The following DOCK7 variants were observed in gnomAD, a reference collection of about 807,000 sequenced individuals.
DOCK7 encodes the protein dedicator of cytokinesis protein 7.
In DOCK7, 138 loss-of-function variants were observed where a neutral mutation model predicts 271.0. The ratio of observed to expected loss-of-function variants is 0.51; its 90% confidence interval spans 0.44 to 0.59. DOCK7 has a LOEUF of 0.59. DOCK7 is among the 20% of genes least tolerant of loss of function. The probability of loss-of-function intolerance (pLI) is 0.00; values close to 1 mark genes in which losing one functional copy is unlikely to be tolerated. For synonymous variants in DOCK7, 823 were observed against 876.1 expected, an observed-to-expected ratio of 0.94 and a Z score of 1.07; for missense variants, 2,066 against 2,592.4, an observed-to-expected ratio of 0.80 and a Z score of 4.41.
chr1:62,499,823 T>A (rs1646727949), intron 37 of DOCK7, among the ~76,000 whole-genome samples: 1 of 151,772 alleles, frequency 6.6e-6, no homozygotes, highest in South Asian at 2.1e-4. Flanking sequence ...GAGGCTGCAA[T>A]GAGCTATGAC....
Position 62,528,173 on chromosome 1 carries a change from C to G in DOCK7, c.3914G>C (p.Gly1305Ala). The G allele has an allele frequency of 1.2e-6, 2 of 1,612,176 alleles. No individual in the cohort carries two copies. Among genetic ancestry groups the G allele is most frequent in the Non-Finnish European group, 1.7e-6 (2 of 1,179,226 alleles). ...GTSVPQLTRP[G>A]SFLLTSTSGR... ...TACCGTTGACGTGAGGAGGAAACTG[C>G]CAGGCCTTGTTAGTTGAGGGACCGA... The change falls in exon 31 of 50, where the codon GGC becomes GCC. Residue 1305 changes from glycine to alanine, a missense_variant. Transcript: ENST00000635253.
intron 11 of DOCK7, chr1:62,628,225 G>T (rs1044911109): frequency 6.6e-6 from 1 of 152,272 alleles, no homozygotes; most frequent in African/African-American, 2.4e-5. Flanking sequence ...TCTGAGAGGA[G>T]GCAGAGCTCA....
intron 7 of DOCK7, among the ~76,000 whole-genome samples, chr1:62,638,643 T>A (rs1655592043): frequency 2.0e-5 from 3 of 148,970 alleles, no homozygotes; most frequent in South Asian, 2.1e-4. Context: ...ATATATATAT[T>A]TTTTCATGAA....
chr1:62,482,972 A>ATCTAATATCAT (rs1553153102), intron 43 of DOCK7: 1 of 152,106 alleles, frequency 6.6e-6, no homozygotes, highest in African/African-American at 2.4e-5. Context: ...AAGAAACCAC[A>ATCTAATATCAT]TCTAATATCA....
intron 22 of DOCK7, among the ~76,000 whole-genome samples, chr1:62,545,613 A>G (rs1645679282): frequency 6.6e-6 from 1 of 152,118 alleles, no homozygotes; most frequent in Non-Finnish European, 1.5e-5. Flanking sequence ...CTTCCTAATA[A>G]TGGATTTGGA....
At chr1:62,584,791 AG>A (rs761650805) in intron 15 of DOCK7, 24 of 753,144 alleles carry the variant, frequency 3.2e-5, no homozygotes, top group Non-Finnish European at 2.6e-5. Context: ...CAAGTGATAA[AG>A]TCCCATGAAA....
At chr1:62,681,535 A>G (rs1418989900) in intron 1 of DOCK7, among the ~76,000 whole-genome samples, 1 of 12,926 alleles carries the variant, frequency 7.7e-5, no homozygotes, top group African/African-American at 9.3e-5. Flanking sequence ...AAAGTATAAT[A>G]AAAAATAAAA....
At chr1:62,519,662 T>A (rs917227416) in intron 31 of DOCK7, among the ~76,000 whole-genome samples, 1 of 152,010 alleles carries the variant, frequency 6.6e-6, no homozygotes, top group Non-Finnish European at 1.5e-5. Flanking sequence ...AATGTGATCC[T>A]AGAGGCGATG....
chr1:62,597,838 A>G lies in DOCK7; in HGVS notation c.1683-11214T>C, dbSNP rs139334976. The G allele has an allele frequency of 4.3e-5, 69 of 1,605,636 alleles. 1 individual carries two copies. In the African/African-American group the frequency reaches 8.5e-4, roughly 20 times the overall value. On this transcript the variant is annotated intron_variant, in intron 14 of 49. Coordinates refer to ENST00000635253, the MANE Select transcript of DOCK7 (RefSeq NM_001367561.1). ...TATGATCTATCGCTGCAAACCAGTGAAATCAAAGAAGAAGAAAAGGAACTG... is the reference window on the plus strand; with the variant it reads ...TATGATCTATCGCTGCAAACCAGTGGAATCAAAGAAGAAGAAAAGGAACTG...
At chr1:62,666,767 T>C (rs1659371933) in intron 1 of DOCK7, among the ~76,000 whole-genome samples, 1 of 152,256 alleles carries the variant, frequency 6.6e-6, no homozygotes, top group African/African-American at 2.4e-5. Context: ...GGCAGTCTTT[T>C]TTCCTTCTAA....
intron 33 of DOCK7, among the ~76,000 whole-genome samples, chr1:62,512,673 G>A (rs1644522222): frequency 6.6e-6 from 1 of 151,784 alleles, no homozygotes; most frequent in Non-Finnish European, 1.5e-5. Flanking sequence ...CAAGGTGGGA[G>A]GATCACTTGA....
intron 31 of DOCK7, among the ~76,000 whole-genome samples, chr1:62,518,052 T>C (rs116293250): frequency 9.6e-4 from 146 of 152,148 alleles, no homozygotes; most frequent in African/African-American, 3.4e-3. Flanking sequence ...TACAAACATA[T>C]ACAAAAAAAT....
chr1:62,602,194 C>A, intron 14 of DOCK7: 2 of 1,040,348 alleles, frequency 1.9e-6, no homozygotes, highest in Admixed American at 1.8e-5. Flanking sequence ...CTTACAAAAC[C>A]ACCAATTAAA....
chr1:62,612,529 G>C (rs1304848278), intron 14 of DOCK7, among the ~76,000 whole-genome samples: 2 of 151,840 alleles, frequency 1.3e-5, no homozygotes, highest in Non-Finnish European at 2.9e-5. Context: ...TTGTATCCCG[G>C]AACTTAAAGT....
intron 4 of DOCK7, among the ~76,000 whole-genome samples, chr1:62,651,193 G>A (rs984778627): frequency 2.0e-5 from 3 of 150,618 alleles, no homozygotes; most frequent in African/African-American, 7.3e-5. Context: ...ACTATTGCAA[G>A]GACAAAAAAC....
intron 7 of DOCK7, among the ~76,000 whole-genome samples, chr1:62,646,120 CTGGGCAACA>C (rs1224883246): frequency 6.7e-6 from 1 of 149,738 alleles, no homozygotes; most frequent in Admixed American, 6.7e-5. Context: ...GCACTCCAGC[CTGGGCAACA>C]TGGGCAACAG....
Position 62,538,012 on chromosome 1 carries a change from A to G in DOCK7, c.3350T>C (p.Leu1117Ser). 1 of 1,614,086 alleles carries G rather than the reference A, an allele frequency of 6.2e-7. No homozygotes were observed. Among genetic ancestry groups the G allele is most frequent in the Non-Finnish European group, 8.5e-7 (1 of 1,179,956 alleles). The change falls in exon 28 of 50, where the codon TTG becomes TCG. Residue 1117 changes from leucine (L) to serine (S), a missense_variant. By Grantham distance (145) the Leu-to-Ser change is moderately radical. Transcript: ENST00000635253. ...SLPNPSVLVS[L>S]RLDFLRIICS... ...GATGATTCGTAGAAAATCCAGCCTC[A>G]AGGACACCAGAACACTGGGATTCGG...
chr1:62,664,343 T>A (rs1412055378), intron 1 of DOCK7, among the ~76,000 whole-genome samples: 1 of 152,158 alleles, frequency 6.6e-6, no homozygotes, highest in East Asian at 1.9e-4. Context: ...GTTCTCATGG[T>A]AGTGAAGAAG....
At chr1:62,498,575 T>C (rs935966802) in intron 37 of DOCK7, among the ~76,000 whole-genome samples, 3 of 152,004 alleles carry the variant, frequency 2.0e-5, no homozygotes, top group African/African-American at 7.2e-5. Context: ...CTGAACTAGA[T>C]TCATCTGTTA....
Sources: allele counts gnomAD v4.1 joint callset (sites outside exome capture counted in the v4.1 genomes callset), GRCh38; gene constraint gnomAD v4.1.1; transcripts MANE v1.5; gene names NCBI Gene and HGNC (gene_info 2026-07-23, HGNC 2026-07-21).